ELSPBP1: variants seen among roughly 807,000 people sequenced by gnomAD.
The protein encoded by ELSPBP1 is epididymal sperm binding protein 1.
ELSPBP1 carries 38 observed loss-of-function variants against 33.3 expected under a neutral mutation model. That is an observed-to-expected ratio of 1.14 (90% CI 0.88 to 1.50). ELSPBP1 has a LOEUF of 1.50. Ranked by LOEUF, ELSPBP1 falls within the 40% of genes most tolerant of loss-of-function variation. The probability of loss-of-function intolerance (pLI) is 0.00; values close to 1 mark genes in which losing one functional copy is unlikely to be tolerated. For synonymous variants in ELSPBP1, 85 were observed against 94.1 expected (o/e 0.90, Z 0.56); for missense variants, 267 against 263.5 (o/e 1.01, Z -0.09).
chr19:48,021,142 A>T (rs1251013762), intron 5 of ELSPBP1, among the ~76,000 whole-genome samples: 1 of 152,086 alleles, frequency 6.6e-6, no homozygotes, highest in Non-Finnish European at 1.5e-5. Context: ...AAATGTGCCT[A>T]CTCGCTAAAC....
chr19:48,023,547 GA>G (rs1967235685), intron 6 of ELSPBP1, among the ~76,000 whole-genome samples: 1 of 72,532 alleles, frequency 1.4e-5, no homozygotes, highest in Non-Finnish European at 3.0e-5. Flanking sequence ...AAAGAAGGAA[GA>G]AAAGGGAAGG....
chr19:48,002,517 G>A (rs776161348), intron 1 of ELSPBP1, among the ~76,000 whole-genome samples: 3 of 152,174 alleles, frequency 2.0e-5, no homozygotes, highest in Non-Finnish European at 4.4e-5. Flanking sequence ...TGGGCCGGGC[G>A]CAGTGGCTCA....
chr19:48,000,484 C>T (rs1431185063), intron 1 of ELSPBP1, among the ~76,000 whole-genome samples: 1 of 152,078 alleles, frequency 6.6e-6, no homozygotes, highest in Non-Finnish European at 1.5e-5. Flanking sequence ...TGTGATTCGC[C>T]CTCCTCGGCC....
At chr19:48,000,731 A>G (rs1966959385) in intron 1 of ELSPBP1, among the ~76,000 whole-genome samples, 1 of 152,202 alleles carries the variant, frequency 6.6e-6, no homozygotes, top group South Asian at 2.1e-4. Flanking sequence ...CCATGGAGCC[A>G]CACAGCTGGC....
chr19:48,004,069 G>A (rs1200646433), intron 1 of ELSPBP1, among the ~76,000 whole-genome samples: 4 of 151,216 alleles, frequency 2.6e-5, no homozygotes, highest in Admixed American at 6.6e-5. Flanking sequence ...TCAGCCTCCC[G>A]AGTAGCTGGA....
chr19:48,018,155 C>T (rs1967162572), intron 4 of ELSPBP1, among the ~76,000 whole-genome samples: 1 of 152,104 alleles, frequency 6.6e-6, no homozygotes, highest in South Asian at 2.1e-4. Flanking sequence ...CCAAGACCAC[C>T]CATGGCTGCA....
chr19:48,018,406 CA>C (rs71181629), intron 4 of ELSPBP1, among the ~76,000 whole-genome samples: 1 of 151,796 alleles, frequency 6.6e-6, no homozygotes, highest in African/African-American at 2.4e-5. Context: ...AGACACTAGG[CA>C]AAAAAATGGG....
intron 6 of ELSPBP1, 92 bp downstream of exon 6, chr19:48,022,426 CT>C: frequency 8.5e-7 from 1 of 1,174,756 alleles, no homozygotes; most frequent in South Asian, 1.9e-5. Flanking sequence ...GCGAGATCTG[CT>C]TTTTCAAGCG....
chr19:48,006,561 C>G (rs1967019362), intron 1 of ELSPBP1, among the ~76,000 whole-genome samples: 1 of 132,678 alleles, frequency 7.5e-6, no homozygotes, highest in Non-Finnish European at 1.5e-5. Flanking sequence ...TTGCCGTGAG[C>G]TGAGGTGGTG....
chr19:48,019,800 A>G lies in ELSPBP1; in HGVS notation c.437A>G (p.Asp146Gly), dbSNP rs375645287. The G allele has an allele frequency of 6.2e-7, 1 of 1,613,434 alleles. No individual in the cohort carries two copies. The highest frequency in any genetic ancestry group is 1.7e-4 in the Middle Eastern group (1 of 6,060). ...RNNVVSDCME[D>G]ESNKLWCPTT... ...AATGTGGTCTCTGATTGCATGGAGG[A>G]TGAAAGCAACAAGCTCTGGTGCCCA... is the stretch of plus-strand genomic sequence containing the variant. Residue 146 changes from aspartate (D) to glycine (G), a missense_variant, in exon 5 of 7, where the codon GAT (aspartate) becomes GGT (glycine). Asp to Gly is a moderately conservative substitution (Grantham distance 94, BLOSUM62 -1). Coordinates refer to ENST00000339841, the MANE Select transcript of ELSPBP1 (RefSeq NM_022142.5).
chr19:48,003,390 T>G (rs1008302187), intron 1 of ELSPBP1, among the ~76,000 whole-genome samples: 1 of 152,054 alleles, frequency 6.6e-6, no homozygotes, highest in Admixed American at 6.5e-5. Context: ...GCAAAGGCCT[T>G]GAGGTGGCTT....
chr19:48,019,162 A>T (rs1967172004), intron 4 of ELSPBP1, among the ~76,000 whole-genome samples: 1 of 152,126 alleles, frequency 6.6e-6, no homozygotes, highest in South Asian at 2.1e-4. Context: ...TAAAAAAATA[A>T]AAAATAACGT....
At chr19:48,019,144 A>G (rs141201799) in intron 4 of ELSPBP1, among the ~76,000 whole-genome samples, 191 of 152,162 alleles carry the variant, frequency 1.3e-3, no homozygotes, top group Non-Finnish European at 2.5e-3. Context: ...ACAGAGAAAG[A>G]CTCCATCTAA....
In ELSPBP1 at chr19:48,015,925, C is replaced by G; in HGVS notation, c.241C>G (p.Arg81Gly). The G allele has an allele frequency of 1.2e-6, 2 of 1,613,034 alleles. No individual in the cohort carries two copies. Among genetic ancestry groups the G allele is most frequent in the Non-Finnish European group, 1.7e-6 (2 of 1,179,142 alleles). The change falls in exon 4 of 7, where the codon CGA (arginine) becomes GGA (glycine). Residue 81 changes from arginine (R) to glycine (G), a missense_variant. Physicochemically the swap from Arg to Gly is moderately radical, Grantham distance 125 (BLOSUM62 -2). Transcript: ENST00000339841. Reference protein sequence around the residue: ...YPRCIFPFIYRGKAYNSCISQ... With the variant: ...YPRCIFPFIYGGKAYNSCISQ... ...ACGCTGTATCTTCCCTTTCATCTAT[C>G]GAGGAAAGGCTTATAACAGCTGCAT...
intron 6 of ELSPBP1, 32 bp downstream of exon 6, chr19:48,022,366 C>A (rs780779271): frequency 3.8e-6 from 6 of 1,568,116 alleles, no homozygotes; most frequent in Middle Eastern, 1.7e-4. Flanking sequence ...GGTCATTTCA[C>A]GGATGCAGAG....
At chr19:47,996,877 T>C (rs1356176700) in intron 1 of ELSPBP1, among the ~76,000 whole-genome samples, 1 of 152,218 alleles carries the variant, frequency 6.6e-6, no homozygotes, top group African/African-American at 2.4e-5. Context: ...TCTAGCATGG[T>C]GAATGAATGT....
In ELSPBP1 at chr19:48,011,708, CAAT is replaced by C. The variant is rs1600107042; in HGVS notation, c.71-2462_71-2460del. ...CAATGACTGATGATGATGATCATGA[CAAT>C]GATGATGAGCATTATGATGATGCCA... On this transcript the variant is annotated intron_variant, in intron 2 of 6. Transcript: ENST00000339841. The surrounding 1 kb of genome is among the most constrained non-coding windows in gnomAD (Gnocchi z 4.5). 6.6e-6 allele frequency among the ~76,000 whole-genome samples: 1 copy of C among 151,548 alleles called. No individual in the cohort carries two copies. The highest frequency in any genetic ancestry group is 1.9e-4 in the East Asian group (1 of 5,132).
rs1430716132 is a variant in ELSPBP1 at position 48,025,050 on chromosome 19, T to C, written c.*106T>C. ...TCTGTCAAGCTTAAATAACCACCTT[T>C]AGAAATACCCTCTGCACCACCTGCT... On this transcript the variant is annotated 3_prime_UTR_variant, in exon 7 of 7. Coordinates refer to ENST00000339841, the MANE Select transcript of ELSPBP1 (RefSeq NM_022142.5). The C allele has an allele frequency of 6.6e-6, 1 of 152,178 alleles. No individual in the cohort carries two copies. The highest frequency in any genetic ancestry group is 1.5e-5 in the Non-Finnish European group (1 of 68,040). 9.4% of individuals were successfully genotyped at this position (152,178 alleles called of 1,614,324 possible). A position where few individuals can be genotyped will look rare whatever the true frequency, so the allele number is the denominator to read the frequency against.
In ELSPBP1 at chr19:48,011,147, A is replaced by G. The variant is rs1359743402; in HGVS notation, c.70+2410A>G. Among the ~76,000 whole-genome samples the G allele has an allele frequency of 6.6e-6, 1 of 151,934 alleles. No individual in the cohort carries two copies. The highest frequency in any genetic ancestry group is 1.5e-5 in the Non-Finnish European group (1 of 67,980). Reference sequence around the variant, plus strand: ...AGTGATGATGATGACGATGATGATAATGATTATGACAATGATGTGATGAGG... The same window carrying G: ...AGTGATGATGATGACGATGATGATAGTGATTATGACAATGATGTGATGAGG... On this transcript the variant is annotated intron_variant, in intron 2 of 6. Transcript: ENST00000339841. This position sits in a 1 kb window ranked among gnomAD's most constrained non-coding sequence, Gnocchi z 4.5.
Sources: gnomAD v4.1 joint callset for allele counts (sites outside exome capture counted in the v4.1 genomes callset) on GRCh38, gnomAD v4.1.1 for gene constraint, Gnocchi (gnomAD v3.1) non-coding constraint, MANE v1.5 for transcripts, NCBI Gene and HGNC (gene_info 2026-07-23, HGNC 2026-07-21) for gene names.